FBRSL1: variants seen among roughly 807,000 people sequenced by gnomAD.
FBRSL1 encodes fibrosin-1-like protein.
A neutral mutation model predicts 89.6 loss-of-function variants in FBRSL1; 51 were observed. The ratio of observed to expected loss-of-function variants is 0.57; its 90% CI spans 0.45 to 0.72. FBRSL1 has a LOEUF of 0.72. FBRSL1 is among the 30% of genes least tolerant of loss of function. The pLI, the probability that FBRSL1 is intolerant of heterozygous loss-of-function variation, is 0.00. For missense variants in FBRSL1, 1,618 were observed against 1,451.8 expected (o/e 1.11, Z -1.86); for synonymous variants, 779 against 681.1 (o/e 1.14, Z -2.24).
chr12:132,571,023 C>T, intron 8 of FBRSL1, 45 bp from the exon 9 acceptor site: 1 of 1,276,996 alleles, frequency 7.8e-7, no homozygotes, highest in Non-Finnish European at 9.9e-7. Context: ...GTGGCTGGAC[C>T]CTGGCTCCCG....
intron 4 of FBRSL1, among the ~76,000 whole-genome samples, chr12:132,538,556 GA>G (rs2036952500): frequency 6.6e-6 from 1 of 152,212 alleles, no homozygotes; most frequent in Non-Finnish European, 1.5e-5. Context: ...AGCCTCTCCT[GA>G]GGGCTTGAGC....
At chr12:132,538,218 T>C (rs2036927343) in intron 4 of FBRSL1, among the ~76,000 whole-genome samples, 1 of 152,182 alleles carries the variant, frequency 6.6e-6, no homozygotes, top group Non-Finnish European at 1.5e-5. Flanking sequence ...CTGCCTGTCC[T>C]TCTAACCAGG....
At chr12:132,576,277 C>A (rs967684348) in intron 14 of FBRSL1, among the ~76,000 whole-genome samples, 1 of 151,726 alleles carries the variant, frequency 6.6e-6, no homozygotes, top group African/African-American at 2.4e-5. Flanking sequence ...ACTGTAACCT[C>A]CACCTCCCGG....
Position 132,490,554 on chromosome 12 carries a change from G to A in FBRSL1, c.-17G>A, listed in dbSNP as rs1262857992. Reference sequence around the variant, plus strand: ...GGGGCGTCAAGGTCACCGGCCCGACGGGGCGCACGCGCGGCCATGGAGGCC... The same window carrying A: ...GGGGCGTCAAGGTCACCGGCCCGACAGGGCGCACGCGCGGCCATGGAGGCC... On this transcript the variant is annotated 5_prime_UTR_variant, in exon 1 of 19. Coordinates refer to ENST00000680143, the MANE Select transcript of FBRSL1 (RefSeq NM_001367871.1). The A allele has an allele frequency of 1.3e-5, 13 of 980,922 alleles. No individual in the cohort carries two copies. The highest frequency in any genetic ancestry group is 1.6e-5 in the Non-Finnish European group (13 of 828,436). 60.8% of individuals were successfully genotyped at this position (980,922 alleles called of 1,614,324 possible).
At chr12:132,550,341 C>T (rs1053670839) in intron 5 of FBRSL1, among the ~76,000 whole-genome samples, 6 of 152,214 alleles carry the variant, frequency 3.9e-5, no homozygotes, top group Admixed American at 1.3e-4. Context: ...AAGGCAGCTC[C>T]GCCAAACACT....
At chr12:132,572,977 C>T (rs779477420) in intron 11 of FBRSL1, among the ~76,000 whole-genome samples, 31 of 152,266 alleles carry the variant, frequency 2.0e-4, no homozygotes, top group Admixed American at 3.3e-4. Flanking sequence ...GAGGTTCTTA[C>T]GGGGCCATCC....
chr12:132,504,335 G>A (rs2033406028), intron 1 of FBRSL1, among the ~76,000 whole-genome samples: 1 of 152,236 alleles, frequency 6.6e-6, no homozygotes. Context: ...TATTGGTGCT[G>A]TATGGTAATG....
At position 132,577,625 on chromosome 12, in the gene FBRSL1, AGTCACCCCCTCCCCCGG is replaced by A. The variant is rs1022769250; in HGVS notation, c.1834+703_1834+719del. Among the ~76,000 whole-genome samples, 7 of 151,420 alleles carry A rather than the reference AGTCACCCCCTCCCCCGG, an allele frequency of 4.6e-5. 1 individual carries two copies. Among genetic ancestry groups the A allele is most frequent in the African/African-American group, 1.7e-4 (7 of 41,202 alleles). On this transcript the variant is annotated intron_variant, in intron 15 of 18. Transcript: ENST00000680143. ...CTGCCCTCAGTCACCCACTCCCCCG[AGTCACCCCCTCCCCCGG>A]GTCACCCCTCCCCCAGCAACACAAC...
Position 132,508,309 on chromosome 12 carries a change from T to A in FBRSL1, c.448T>A (p.Cys150Ser). Residue 150 changes from cysteine to serine, a missense_variant, in exon 2 of 19, where the codon TGC (cysteine) becomes AGC (serine). Physicochemically the swap from Cys to Ser is moderately radical, Grantham distance 112. Coordinates refer to ENST00000680143, the MANE Select transcript of FBRSL1 (RefSeq NM_001367871.1). ...GSPGQDLEPACDGARKVPLQP... is the reference protein window; with the variant it reads ...GSPGQDLEPASDGARKVPLQP... ...CCCCGGGCAGGACCTCGAACCCGCC[T>A]GCGATGGGGCGAGAAAGGTCCCACT... 6.5e-7 allele frequency: 1 copy of A among 1,547,628 alleles called. No individual in the cohort carries two copies.
intron 2 of FBRSL1, among the ~76,000 whole-genome samples, chr12:132,520,333 C>T (rs974808264): frequency 6.6e-6 from 1 of 152,142 alleles, no homozygotes; most frequent in African/African-American, 2.4e-5. Context: ...GTCTGGGACG[C>T]TCCCCAGGGC....
intron 4 of FBRSL1, among the ~76,000 whole-genome samples, chr12:132,537,873 A>G (rs1247578681): frequency 1.3e-5 from 2 of 152,204 alleles, no homozygotes; most frequent in African/African-American, 4.8e-5. Flanking sequence ...GATAACAAAT[A>G]AGCAGCTGAT....
chr12:132,502,722 G>A (rs1187942030), intron 1 of FBRSL1, among the ~76,000 whole-genome samples: 2 of 125,368 alleles, frequency 1.6e-5, no homozygotes, highest in African/African-American at 6.5e-5. Flanking sequence ...TTCAGGCCTC[G>A]AGCCCGCTAT....
chr12:132,572,368 C>T (rs776610542), intron 10 of FBRSL1, 24 bp downstream of exon 10: 60 of 1,550,114 alleles, frequency 3.9e-5, no homozygotes, highest in South Asian at 1.2e-4. Context: ...AGGGGCCCGG[C>T]GCGTGTCGCT....
At chr12:132,564,156 C>T (rs959425122) in intron 5 of FBRSL1, among the ~76,000 whole-genome samples, 4 of 152,196 alleles carry the variant, frequency 2.6e-5, no homozygotes, top group African/African-American at 7.2e-5. Flanking sequence ...ACTGTTGATC[C>T]GTCTGCCAGT....
At chr12:132,572,175 C>A in intron 9 of FBRSL1, 113 bp from the exon 10 acceptor site, 1 of 959,620 alleles carries the variant, frequency 1.0e-6, no homozygotes, top group Non-Finnish European at 1.6e-6. Flanking sequence ...CCGCCAGCCT[C>A]AGGAAGCACA....
chr12:132,572,503 C>T (rs1009545862), intron 10 of FBRSL1, 24 bp from the exon 11 acceptor site: 1 of 1,536,354 alleles, frequency 6.5e-7, no homozygotes, highest in African/African-American at 1.4e-5. Context: ...GGCCCCCCCT[C>T]CATCCGCTCT....
intron 4 of FBRSL1, among the ~76,000 whole-genome samples, chr12:132,532,636 C>T (rs1389575575): frequency 6.6e-6 from 1 of 151,470 alleles, no homozygotes; most frequent in Non-Finnish European, 1.5e-5. Flanking sequence ...GCCGGGCATG[C>T]ACACAGGGAG....
intron 1 of FBRSL1, among the ~76,000 whole-genome samples, chr12:132,507,579 C>G (rs977445707): frequency 9.2e-5 from 14 of 152,110 alleles, no homozygotes; most frequent in African/African-American, 3.1e-4. Flanking sequence ...CTGGGGGTGT[C>G]CCCAGGGTCT....
In FBRSL1 at chr12:132,502,390, C is replaced by T. The variant is rs762232783; in HGVS notation, c.292-5763C>T. 9.8e-5 allele frequency among the ~76,000 whole-genome samples: 15 copies of T among 152,322 alleles called. No homozygotes were observed. The East Asian group carries it at 2.3e-3, about 23-fold the overall frequency. The stretch of plus-strand genomic sequence containing the variant: ...CTTATGGCCACCCAGAGGAATCCTG[C>T]GGAAGGCCTTTGGTTTGAAGGGTGA... On this transcript the variant is annotated intron_variant, in intron 1 of 18. Transcript: ENST00000680143.
Sources: allele counts gnomAD v4.1 joint callset (sites outside exome capture counted in the v4.1 genomes callset), GRCh38; gene constraint gnomAD v4.1.1; transcripts MANE v1.5; gene names NCBI Gene and HGNC (gene_info 2026-07-23, HGNC 2026-07-21).